KALRN: variants seen among roughly 807,000 people sequenced by gnomAD.
The protein encoded by KALRN is kalirin.
A neutral mutation model predicts 353.7 loss-of-function variants in KALRN; 70 were observed. The ratio of observed to expected loss-of-function variants is 0.20; its 90% CI spans 0.16 to 0.24. The LOEUF (loss-of-function observed/expected upper bound fraction) is 0.24, where lower values mean the gene tolerates loss of function less well. Ranked by LOEUF, KALRN falls within the 10% of genes least tolerant of loss-of-function variation. The pLI is 1.00. For missense variants in KALRN, 2,791 were observed against 3,756.7 expected (o/e 0.74, Z 6.72); for synonymous variants, 1,391 against 1,434.8 (o/e 0.97, Z 0.69).
chr3:124,543,561 A>T (rs557807583), intron 33 of KALRN, among the ~76,000 whole-genome samples: 8 of 152,226 alleles, frequency 5.3e-5, no homozygotes, highest in African/African-American at 1.7e-4. Flanking sequence ...TCGGCCTCCC[A>T]AAGTGCTGGG....
intron 43 of KALRN, among the ~76,000 whole-genome samples, chr3:124,659,826 T>A (rs112040735): frequency 3.4e-5 from 4 of 116,094 alleles, no homozygotes; most frequent in African/African-American, 1.0e-4. Context: ...GCTTTAGAAA[T>A]ATTAGATTAG....
chr3:124,552,565 A>G (rs1051373266), intron 33 of KALRN, among the ~76,000 whole-genome samples: 1 of 152,182 alleles, frequency 6.6e-6, no homozygotes. Flanking sequence ...TCTGATTCCA[A>G]TCTGTTGTTT....
chr3:124,208,978 A>ATC (rs1560235761), intron 1 of KALRN, among the ~76,000 whole-genome samples: 1 of 151,848 alleles, frequency 6.6e-6, no homozygotes, highest in African/African-American at 2.4e-5. Flanking sequence ...TAATAATAAT[A>ATC]ATAATAATCA....
At chr3:124,289,282 A>G (rs548055709) in intron 5 of KALRN, among the ~76,000 whole-genome samples, 3 of 152,342 alleles carry the variant, frequency 2.0e-5, no homozygotes, top group African/African-American at 7.2e-5. Flanking sequence ...AGTTTTCAAC[A>G]CATGAAATTT....
In KALRN at chr3:124,496,352, G is replaced by C. The variant is rs755291078; in HGVS notation, c.4874G>C (p.Ser1625Thr). The C allele has an allele frequency of 6.2e-7, 1 of 1,613,484 alleles. No individual in the cohort carries two copies. The highest frequency in any genetic ancestry group is 1.1e-5 in the South Asian group (1 of 91,018). The change falls in exon 33 of 60, where the codon AGC becomes ACC. Residue 1625 changes from serine (S) to threonine (T), a missense_variant. Transcript: ENST00000682506. Reference protein sequence around the residue: ...EDIDSQGDGSSQPDTISIASR... With the variant: ...EDIDSQGDGSTQPDTISIASR... ...ATTGACAGCCAGGGGGATGGGAGCA[G>C]CCAACCAGACACCATCTCCATTGCT...
intron 35 of KALRN, 24 bp downstream of exon 35, chr3:124,632,727 T>G (rs1272757075): frequency 1.2e-6 from 2 of 1,604,388 alleles, no homozygotes; most frequent in Admixed American, 1.7e-5. Context: ...GCCCTGGAGT[T>G]GTCCATCAGG....
intron 13 of KALRN, among the ~76,000 whole-genome samples, chr3:124,402,294 A>G (rs2090973348): frequency 6.6e-6 from 1 of 152,250 alleles, no homozygotes; most frequent in African/African-American, 2.4e-5. Flanking sequence ...TTTGTTAGTC[A>G]GATGTTCAAA....
At chr3:124,621,354 A>G (rs1240069788) in intron 34 of KALRN, among the ~76,000 whole-genome samples, 1 of 152,212 alleles carries the variant, frequency 6.6e-6, no homozygotes, top group East Asian at 1.9e-4. Flanking sequence ...TAAAAACACA[A>G]AGTTAAGTCT....
intron 50 of KALRN, 119 bp downstream of exon 50, chr3:124,678,432 A>G: frequency 9.2e-7 from 1 of 1,085,406 alleles, no homozygotes; most frequent in South Asian, 1.6e-5. Context: ...TGGGTACCAG[A>G]GGGGAAGTAG....
In KALRN at chr3:124,430,697, C is replaced by T. The variant is rs189630270; in HGVS notation, c.2751C>T (p.Ala917=). 3.2e-5 allele frequency: 51 copies of T among 1,614,176 alleles called. No individual in the cohort carries two copies. The highest frequency in any genetic ancestry group is 1.3e-4 in the Admixed American group (8 of 60,028). Residue 917 remains alanine (A), a synonymous_variant, in exon 16 of 60, where the codon GCC becomes GCT. Coordinates refer to ENST00000682506, the MANE Select transcript of KALRN (RefSeq NM_001388419.1). ...WIRNGESMLN[A]SLVNASSLSE... Reference sequence around the variant, plus strand: ...GCAATGGAGAGTCAATGCTCAACGCCAGCCTGGTCAATGCCAGCTCTTTGT... The same window carrying T: ...GCAATGGAGAGTCAATGCTCAACGCTAGCCTGGTCAATGCCAGCTCTTTGT...
intron 5 of KALRN, among the ~76,000 whole-genome samples, chr3:124,276,721 G>C (rs1050522391): frequency 6.6e-6 from 1 of 152,152 alleles, no homozygotes; most frequent in African/African-American, 2.4e-5. Flanking sequence ...CTTTTACATA[G>C]TAATCTTTGA....
At chr3:124,413,389 A>C (rs1187334142) in intron 13 of KALRN, 81 bp from the exon 14 acceptor site, 1 of 1,169,556 alleles carries the variant, frequency 8.6e-7, no homozygotes, top group Non-Finnish European at 1.2e-6. Context: ...TTCATGAATA[A>C]GGCTTGGAAT....
chr3:124,595,401 T>C (rs1011254254), intron 34 of KALRN, among the ~76,000 whole-genome samples: 2 of 152,244 alleles, frequency 1.3e-5, no homozygotes, highest in African/African-American at 4.8e-5. Context: ...ATTTATACCA[T>C]GGAAGTTACC....
intron 25 of KALRN, among the ~76,000 whole-genome samples, chr3:124,468,815 C>T (rs533209585): frequency 6.6e-6 from 1 of 152,320 alleles, no homozygotes; most frequent in African/African-American, 2.4e-5. Flanking sequence ...CAAACGCACA[C>T]TTGAAGAGGT....
At chr3:124,250,490 C>T (rs1168162111) in intron 3 of KALRN, among the ~76,000 whole-genome samples, 2 of 152,180 alleles carry the variant, frequency 1.3e-5, no homozygotes, top group African/African-American at 2.4e-5. Flanking sequence ...CTCTTGAGTC[C>T]CCTCAGCTCT....
chr3:124,455,188 G>C lies in KALRN; in HGVS notation c.3564G>C (p.Glu1188Asp), dbSNP rs189586882. 20 of 1,614,116 alleles carry C rather than the reference G, an allele frequency of 1.2e-5. 1 individual carries two copies. The Admixed American group carries it at 2.8e-4, about 23-fold the overall frequency. Residue 1188 changes from glutamate (E) to aspartate (D), a missense_variant, in exon 22 of 60, where the codon GAG (glutamate) becomes GAC (aspartate). Physicochemically the swap from Glu to Asp is conservative, Grantham distance 45. Around this residue, in one of 11 missense-constraint regions of KALRN, gnomAD observed 268 missense variants for 347.0 expected, o/e 0.77. Transcript: ENST00000682506. ...ATCTTTTGGGGCAGCAAACAAAGGAGAAGGTGAAGCTTCTGATTCAGCTGG... is the reference window on the plus strand; with the variant it reads ...ATCTTTTGGGGCAGCAAACAAAGGACAAGGTGAAGCTTCTGATTCAGCTGG... ...EFRVPAKQTK[E>D]KVKLLIQLAD...
chr3:124,338,844 G>A (rs1253509327), intron 9 of KALRN, among the ~76,000 whole-genome samples: 1 of 151,734 alleles, frequency 6.6e-6, no homozygotes, highest in African/African-American at 2.4e-5. Flanking sequence ...AACCCAAAAT[G>A]GAAAAAAAAT....
rs1303781971 is a variant in KALRN, at chr3:124,352,437, G to A, written c.1770+5172G>A. 3.3e-5 allele frequency among the ~76,000 whole-genome samples: 5 copies of A among 152,080 alleles called. No homozygotes were observed. The South Asian group carries it at 8.3e-4, about 25-fold the overall frequency. On this transcript the variant is annotated intron_variant, in intron 10 of 59. Coordinates refer to ENST00000682506, the MANE Select transcript of KALRN (RefSeq NM_001388419.1). ...ATCTGAAATGCCAGATTTTCTGTAC[G>A]CTAATTTAGTCAAAAATTAGCAAGC... is the stretch of plus-strand genomic sequence containing the variant.
chr3:124,188,833 G>C (rs947799533), intron 1 of KALRN, among the ~76,000 whole-genome samples: 1 of 152,188 alleles, frequency 6.6e-6, no homozygotes, highest in Non-Finnish European at 1.5e-5. Flanking sequence ...ATGAACTTTA[G>C]CATATTTGTA....
Sources: allele counts gnomAD v4.1 joint callset (sites outside exome capture counted in the v4.1 genomes callset), GRCh38; gene constraint gnomAD v4.1.1; regional missense constraint gnomAD v4.1.1; transcripts MANE v1.5; gene names NCBI Gene and HGNC (gene_info 2026-07-23, HGNC 2026-07-21).